SLC24A2: variants seen among roughly 807,000 people sequenced by gnomAD.
SLC24A2 encodes the protein solute carrier family 24 member 2.
In SLC24A2, 36 loss-of-function variants were observed where a neutral mutation model predicts 62.0. The ratio of observed to expected loss-of-function variants is 0.58; its 90% confidence interval spans 0.44 to 0.77. The LOEUF (loss-of-function observed/expected upper bound fraction) is 0.77, where lower values mean the gene tolerates loss of function less well. SLC24A2 is among the 30% of genes least tolerant of loss of function. The pLI, the probability that SLC24A2 is intolerant of heterozygous loss-of-function variation, is 0.00. For synonymous variants in SLC24A2, 358 were observed against 294.0 expected (o/e 1.22, Z -2.23); for missense variants, 846 against 817.9 (o/e 1.03, Z -0.42).
the SLC24A2 span, among the ~76,000 whole-genome samples, chr9:19,857,565 C>T: frequency 7.2e-5 from 11 of 152,094 alleles, no homozygotes; most frequent in African/African-American, 2.4e-4. Flanking sequence ...TTTACAGATA[C>T]AAATTATGCA....
chr9:20,034,486 G>GTC, the SLC24A2 span, among the ~76,000 whole-genome samples: 1 of 117,358 alleles, frequency 8.5e-6, no homozygotes, highest in Non-Finnish European at 1.6e-5. Context: ...TTGAGACGGA[G>GTC]TCTCTCTCTG....
At chr9:19,710,995 G>C (rs1186898700) in intron 2 of SLC24A2, among the ~76,000 whole-genome samples, 5 of 152,184 alleles carry the variant, frequency 3.3e-5, no homozygotes, top group African/African-American at 9.7e-5. Flanking sequence ...TCTCCATAGA[G>C]ATCTATTGGC....
chr9:20,183,304 T>C, the SLC24A2 span, among the ~76,000 whole-genome samples: 77,647 of 151,980 alleles, frequency 0.51, 20,552 homozygotes, highest in South Asian at 0.59. Flanking sequence ...GTGCCCTATT[T>C]TGTATTATGG....
Position 19,622,316 on chromosome 9 carries a change from G to A in SLC24A2, c.931-17C>T. The A allele has an allele frequency of 6.2e-7, 1 of 1,610,592 alleles. No homozygotes were observed. Among genetic ancestry groups the A allele is most frequent in the Middle Eastern group, 1.7e-4 (1 of 6,046 alleles). On this transcript the variant is annotated splice_polypyrimidine_tract_variant and intron_variant, in intron 2 of 10. Coordinates refer to ENST00000341998, the MANE Select transcript of SLC24A2 (RefSeq NM_020344.4). ...TGCAGATGGCTGCATAAGAGAAAAAGGCAAAGACAAAAGACAAAGAAATAA... is the reference window on the plus strand; with the variant it reads ...TGCAGATGGCTGCATAAGAGAAAAAAGCAAAGACAAAAGACAAAGAAATAA...
chr9:19,852,325 T>G, the SLC24A2 span, among the ~76,000 whole-genome samples: 1 of 152,216 alleles, frequency 6.6e-6, no homozygotes, highest in African/African-American at 2.4e-5. Context: ...TTAGTTTAAT[T>G]AGATCCCATT....
At chr9:20,261,581 T>C in the SLC24A2 span, among the ~76,000 whole-genome samples, 9 of 152,086 alleles carry the variant, frequency 5.9e-5, no homozygotes, top group African/African-American at 2.2e-4. Context: ...CACTGCTGAA[T>C]TGGGGATTAA....
the SLC24A2 span, among the ~76,000 whole-genome samples, chr9:20,227,983 T>C: frequency 8.0e-4 from 122 of 152,282 alleles, 1 homozygote; most frequent in African/African-American, 2.9e-3. Context: ...CCCTCCAGAA[T>C]AGAATCTTCA....
intron 2 of SLC24A2, among the ~76,000 whole-genome samples, chr9:19,630,504 G>T (rs1818150220): frequency 6.6e-6 from 1 of 152,046 alleles, no homozygotes; most frequent in South Asian, 2.1e-4. Context: ...GTAATATAGT[G>T]ATTTTTATAC....
intron 2 of SLC24A2, among the ~76,000 whole-genome samples, chr9:19,682,857 A>C (rs1417683813): frequency 6.6e-6 from 1 of 152,180 alleles, no homozygotes; most frequent in African/African-American, 2.4e-5. Context: ...AAACCCCAGA[A>C]AAGTCATGAC....
At chr9:19,584,735 AAAT>A (rs1447610876) in intron 5 of SLC24A2, among the ~76,000 whole-genome samples, 6 of 152,166 alleles carry the variant, frequency 3.9e-5, no homozygotes, top group East Asian at 1.9e-4. Flanking sequence ...TATTTCTTAA[AAAT>A]AATAATTTCA....
the SLC24A2 span, among the ~76,000 whole-genome samples, chr9:20,168,510 AAAGG>A: frequency 2.0e-5 from 3 of 152,028 alleles, no homozygotes; most frequent in Non-Finnish European, 4.4e-5. Flanking sequence ...ACTCAACAAA[AAAGG>A]AAGTAATCCA....
At chr9:19,911,996 C>G in the SLC24A2 span, among the ~76,000 whole-genome samples, 3 of 152,146 alleles carry the variant, frequency 2.0e-5, no homozygotes, top group Admixed American at 2.0e-4. Flanking sequence ...TTTACTCACC[C>G]AATCATTTTA....
intron 2 of SLC24A2, among the ~76,000 whole-genome samples, chr9:19,781,242 T>G (rs1464020494): frequency 6.6e-6 from 1 of 152,128 alleles, no homozygotes; most frequent in Non-Finnish European, 1.5e-5. Context: ...AGCAAGAGAA[T>G]AGCTTAACAC....
chr9:19,555,263 A>G (rs1023077577), intron 7 of SLC24A2, among the ~76,000 whole-genome samples: 5 of 152,222 alleles, frequency 3.3e-5, no homozygotes, highest in South Asian at 2.1e-4. Context: ...TCTCTTTATG[A>G]GGACTCAAGG....
At chr9:19,989,070 A>G in the SLC24A2 span, among the ~76,000 whole-genome samples, 3 of 152,220 alleles carry the variant, frequency 2.0e-5, no homozygotes, top group Non-Finnish European at 2.9e-5. Context: ...TAAAAATGTA[A>G]ACAATGCTAC....
the SLC24A2 span, among the ~76,000 whole-genome samples, chr9:19,969,183 C>CACACACA: frequency 4.9e-5 from 6 of 122,272 alleles, no homozygotes; most frequent in Non-Finnish European, 1.0e-4. Flanking sequence ...ACCTCCTTTG[C>CACACACA]CACACACACA....
At chr9:19,840,330 C>T in the SLC24A2 span, among the ~76,000 whole-genome samples, 48 of 152,252 alleles carry the variant, frequency 3.2e-4, no homozygotes, top group Admixed American at 2.3e-3. Context: ...CAGGCTTGAA[C>T]AGCAGTAGTC....
the SLC24A2 span, among the ~76,000 whole-genome samples, chr9:19,950,345 G>A: frequency 6.6e-6 from 1 of 152,050 alleles, no homozygotes; most frequent in East Asian, 1.9e-4. Context: ...TAAGCTATTT[G>A]GTCTCTGATA....
In SLC24A2 at chr9:19,509,185, G is replaced by C; in HGVS notation, c.*6968C>G. The C allele has an allele frequency of 6.6e-6, 1 of 152,116 alleles. No individual in the cohort carries two copies. Among genetic ancestry groups the C allele is most frequent in the East Asian group, 1.9e-4 (1 of 5,182 alleles). 9.4% of individuals were successfully genotyped at this position (152,116 alleles called of 1,614,324 possible). Reference sequence around the variant, plus strand: ...GCTTTATATAACAAAATGGATTCCTGAAAAAAATCTACAATTTTAAAATAA... The same window carrying C: ...GCTTTATATAACAAAATGGATTCCTCAAAAAAATCTACAATTTTAAAATAA... On this transcript the variant is annotated 3_prime_UTR_variant, in exon 11 of 11. Transcript: ENST00000341998.
Sources: allele counts gnomAD v4.1 joint callset (sites outside exome capture counted in the v4.1 genomes callset), GRCh38; gene constraint gnomAD v4.1.1; transcripts MANE v1.5; gene names NCBI Gene and HGNC (gene_info 2026-07-23, HGNC 2026-07-21).